ERBB4: variants seen among roughly 807,000 people sequenced by gnomAD.
The protein encoded by ERBB4 is receptor tyrosine-protein kinase erbB-4.
A neutral mutation model predicts 158.0 loss-of-function variants in ERBB4; 42 were observed. That is an observed-to-expected ratio of 0.27 (90% CI 0.21 to 0.34). The LOEUF (loss-of-function observed/expected upper bound fraction) is 0.34. Among genes scored for constraint, ERBB4 ranks in the 10% least tolerant of loss-of-function variants. The pLI is 1.00. For missense variants in ERBB4, 1,333 were observed against 1,624.1 expected, an observed-to-expected ratio of 0.82 and a Z score of 3.08; for synonymous variants, 583 against 558.7, an observed-to-expected ratio of 1.04 and a Z score of -0.61.
intron 2 of ERBB4, among the ~76,000 whole-genome samples, chr2:212,089,568 G>C (rs2078713376): frequency 6.6e-6 from 1 of 152,100 alleles, no homozygotes; most frequent in Non-Finnish European, 1.5e-5. Context: ...CATGAGATCT[G>C]GTTGTTTAAA....
chr2:211,868,644 C>G (rs939060637), intron 3 of ERBB4, among the ~76,000 whole-genome samples: 2 of 152,068 alleles, frequency 1.3e-5, no homozygotes, highest in African/African-American at 4.8e-5. Flanking sequence ...TTGGGTTGTT[C>G]TTTGATCAAA....
At chr2:211,452,488 T>G (rs554734843) in intron 20 of ERBB4, among the ~76,000 whole-genome samples, 1 of 152,274 alleles carries the variant, frequency 6.6e-6, no homozygotes, top group African/African-American at 2.4e-5. Flanking sequence ...TAAACTCTAT[T>G]TCTAAATGCA....
chr2:211,942,387 C>T (rs1188587645), intron 3 of ERBB4, among the ~76,000 whole-genome samples: 1 of 151,098 alleles, frequency 6.6e-6, no homozygotes, highest in Non-Finnish European at 1.5e-5. Context: ...GACAGGGTCC[C>T]TCTGTGCCAT....
chr2:211,761,668 A>C (rs1349146842), intron 4 of ERBB4, among the ~76,000 whole-genome samples: 3 of 152,216 alleles, frequency 2.0e-5, no homozygotes, highest in African/African-American at 7.2e-5. Context: ...TGTCAATTAA[A>C]TACAAACACA....
chr2:211,876,521 G>A (rs1274248943), intron 3 of ERBB4, among the ~76,000 whole-genome samples: 2 of 152,134 alleles, frequency 1.3e-5, no homozygotes, highest in Non-Finnish European at 2.9e-5. Flanking sequence ...TCATGAATGT[G>A]TTGTTTTCTG....
At chr2:211,392,558 C>CCA (rs5838261) in intron 25 of ERBB4, among the ~76,000 whole-genome samples, 22,745 of 140,560 alleles carry the variant, frequency 0.16, 1,736 homozygotes, top group Non-Finnish European at 0.17. Flanking sequence ...CTCTCTTACT[C>CCA]CACACACACA....
chr2:211,995,518 T>A (rs566932910), intron 2 of ERBB4, among the ~76,000 whole-genome samples: 6 of 152,172 alleles, frequency 3.9e-5, no homozygotes, highest in African/African-American at 1.4e-4. Context: ...GATCCTCCCA[T>A]CTCAGCCTCC....
intron 1 of ERBB4, among the ~76,000 whole-genome samples, chr2:212,476,153 TCACACACACA>T (rs59580011): frequency 6.9e-6 from 1 of 144,216 alleles, no homozygotes; most frequent in African/African-American, 2.7e-5. Flanking sequence ...TCTCTCTCTG[TCACACACACA>T]CACACACACA....
intron 1 of ERBB4, among the ~76,000 whole-genome samples, chr2:212,505,238 AG>A (rs1367145083): frequency 6.6e-6 from 1 of 152,118 alleles, no homozygotes; most frequent in Non-Finnish European, 1.5e-5. Flanking sequence ...CGGGGATTAG[AG>A]ACACACACCA....
At chr2:211,443,578 T>C (rs912919299) in intron 20 of ERBB4, among the ~76,000 whole-genome samples, 12 of 152,044 alleles carry the variant, frequency 7.9e-5, no homozygotes, top group Admixed American at 4.6e-4. Flanking sequence ...AAAGCACATA[T>C]CATAAAAACA....
chr2:212,520,024 T>C (rs1452494093), intron 1 of ERBB4, among the ~76,000 whole-genome samples: 1 of 151,856 alleles, frequency 6.6e-6, no homozygotes, highest in African/African-American at 2.4e-5. Flanking sequence ...TCACTCTGTA[T>C]CCCATAAATA....
At chr2:212,524,402 T>A (rs998688725) in intron 1 of ERBB4, among the ~76,000 whole-genome samples, 2 of 152,034 alleles carry the variant, frequency 1.3e-5, no homozygotes, top group African/African-American at 4.8e-5. Flanking sequence ...TCATTCTGAC[T>A]AATAATATGA....
intron 3 of ERBB4, among the ~76,000 whole-genome samples, chr2:211,889,154 A>C (rs2078893300): frequency 3.5e-5 from 5 of 143,338 alleles, no homozygotes; most frequent in African/African-American, 1.1e-4. Context: ...TCCCTGTCTG[A>C]CAGCTTTGAA....
chr2:211,681,136 T>A (rs974177218), intron 12 of ERBB4, among the ~76,000 whole-genome samples: 11 of 152,176 alleles, frequency 7.2e-5, no homozygotes, highest in Non-Finnish European at 1.6e-4. Flanking sequence ...TATAGTTTCT[T>A]TCATTTATAT....
At chr2:212,498,504 G>A (rs913138977) in intron 1 of ERBB4, among the ~76,000 whole-genome samples, 1 of 152,032 alleles carries the variant, frequency 6.6e-6, no homozygotes, top group African/African-American at 2.4e-5. Flanking sequence ...AACAGTTCAA[G>A]TATTTTCAGT....
At position 212,382,717 on chromosome 2, in the gene ERBB4, C is replaced by A. The variant is rs775231134; in HGVS notation, c.82+155732G>T. Reference sequence around the variant, plus strand: ...CAGCGGTATTTTTTCTGCACTAACACCTACATTATTACTTGTTTAATATAG... The same window carrying A: ...CAGCGGTATTTTTTCTGCACTAACAACTACATTATTACTTGTTTAATATAG... On this transcript the variant is annotated intron_variant, in intron 1 of 27. Coordinates refer to ENST00000342788, the MANE Select transcript of ERBB4 (RefSeq NM_005235.3). Among the ~76,000 whole-genome samples the A allele has an allele frequency of 2.0e-5, 3 of 151,116 alleles. No homozygotes were observed. The East Asian group carries it at 5.8e-4, about 29-fold the overall frequency.
At chr2:212,005,083 AAAT>A (rs1257385889) in intron 2 of ERBB4, among the ~76,000 whole-genome samples, 1 of 152,206 alleles carries the variant, frequency 6.6e-6, no homozygotes, top group Non-Finnish European at 1.5e-5. Context: ...AACTACAGAG[AAAT>A]AAAATGATTT....
At chr2:212,435,213 C>A (rs1172430700) in intron 1 of ERBB4, among the ~76,000 whole-genome samples, 6 of 152,046 alleles carry the variant, frequency 3.9e-5, no homozygotes, top group African/African-American at 1.4e-4. Flanking sequence ...GTTTTCAGTG[C>A]CCATCTCCTA....
chr2:212,410,386 T>C (rs994221093), intron 1 of ERBB4, among the ~76,000 whole-genome samples: 23 of 152,032 alleles, frequency 1.5e-4, no homozygotes, highest in Non-Finnish European at 8.8e-5. Context: ...ACTATCATTC[T>C]GAAGACAAAT....
Sources: gnomAD v4.1 joint callset for allele counts (sites outside exome capture counted in the v4.1 genomes callset) on GRCh38, gnomAD v4.1.1 for gene constraint, MANE v1.5 for transcripts, NCBI Gene and HGNC (gene_info 2026-07-23, HGNC 2026-07-21) for gene names.